PRKAG3: variants seen among roughly 807,000 people sequenced by gnomAD.
PRKAG3 encodes the protein 5'-AMP-activated protein kinase subunit gamma-3.
PRKAG3 carries 39 observed loss-of-function variants against 56.5 expected under a neutral mutation model. The ratio of observed to expected loss-of-function variants is 0.69; its 90% confidence interval spans 0.53 to 0.90. PRKAG3 has a LOEUF of 0.90. PRKAG3 is among the 40% of genes least tolerant of loss of function. The pLI, the probability that PRKAG3 is intolerant of heterozygous loss-of-function variation, is 0.00. For synonymous variants in PRKAG3, 243 were observed against 250.1 expected (o/e 0.97, Z 0.27); for missense variants, 628 against 627.5 (o/e 1.00, Z -0.01).
intron 4 of PRKAG3, among the ~76,000 whole-genome samples, chr2:218,828,801 T>C (rs1258707178): frequency 6.6e-6 from 1 of 152,144 alleles, no homozygotes; most frequent in African/African-American, 2.4e-5. Flanking sequence ...GACATGATCG[T>C]TGCTGGGGAC....
chr2:218,831,602 C>A, intron 1 of PRKAG3, 136 bp downstream of exon 1: 1 of 1,209,404 alleles, frequency 8.3e-7, no homozygotes. Flanking sequence ...CAAACATGCA[C>A]ATGCCCATAT....
At chr2:218,831,609 A>G (rs1559399746) in intron 1 of PRKAG3, 129 bp downstream of exon 1, 2 of 1,275,880 alleles carry the variant, frequency 1.6e-6, no homozygotes, top group Non-Finnish European at 2.2e-6. Context: ...GCACATGCCC[A>G]TATTCACGAG....
downstream of PRKAG3, chr2:218,822,871 G>A (rs952564155): frequency 7.1e-6 from 7 of 984,862 alleles, no homozygotes; most frequent in Admixed American, 1.2e-4. Flanking sequence ...ACCCACTGGG[G>A]CCATCCGACC....
At position 218,824,230 on chromosome 2, in the gene PRKAG3, G is replaced by A. The variant is rs773973238; in HGVS notation, c.1345C>T (p.Arg449Trp). 46 of 1,613,936 alleles carry A rather than the reference G, an allele frequency of 2.9e-5. No individual in the cohort carries two copies. Among genetic ancestry groups the A allele is most frequent in the Non-Finnish European group, 3.4e-5 (40 of 1,179,992 alleles). Residue 449 changes from arginine (R) to tryptophan (W), a missense_variant, in exon 12 of 13, where the codon CGG (arginine) becomes TGG (tryptophan). Transcript: ENST00000529249. ...TGGAGGGCACACGGTACCTGCTCCC[G>A]AGCAATCCTGTCGATCACTTCCCCC...
chr2:218,828,282 A>G (rs1232610762), intron 5 of PRKAG3, among the ~76,000 whole-genome samples: 3 of 152,182 alleles, frequency 2.0e-5, no homozygotes, highest in Non-Finnish European at 4.4e-5. Context: ...AGGGCCATGC[A>G]GTAGCGGAGG....
At chr2:218,823,543 C>T in exon 13 of PRKAG3, 1 of 882,890 alleles carries the variant, frequency 1.1e-6, no homozygotes, top group Non-Finnish European at 1.7e-6. Flanking sequence ...CAGGGCTGCT[C>T]AGCTTTGAGC....
At chr2:218,823,232 T>C (rs139292718), downstream of PRKAG3, 5 of 257,438 alleles carry the variant, frequency 1.9e-5, no homozygotes, top group East Asian at 6.5e-4. Flanking sequence ...TCTGAGATCA[T>C]GTCACATTTC....
chr2:218,824,638 C>T lies in PRKAG3; in HGVS notation c.1169-62G>A, dbSNP rs916765779. 3.0e-5 allele frequency: 44 copies of T among 1,482,370 alleles called. No individual in the cohort carries two copies. In the African/African-American group the frequency reaches 3.2e-4, roughly 11 times the overall value. The allele number at this position is 1,482,370 out of a possible 1,614,324, so 91.8% of individuals were successfully genotyped here. On this transcript the variant is annotated intron_variant, in intron 10 of 12. Coordinates refer to ENST00000529249, the Ensembl canonical transcript of PRKAG3. Reference sequence around the variant, plus strand: ...ACAGGGAAGAGGCTCCGGTCAGAACCGGGGTGCTGTGTAGAGGGCCTAGGG... The same window carrying T: ...ACAGGGAAGAGGCTCCGGTCAGAACTGGGGTGCTGTGTAGAGGGCCTAGGG...
intron 1 of PRKAG3, 66 bp downstream of exon 1, chr2:218,831,672 A>C (rs1944021515): frequency 1.3e-6 from 2 of 1,570,680 alleles, no homozygotes; most frequent in Admixed American, 3.7e-5. Context: ...ACACACATTC[A>C]CAGCCCGTGC....
intron 4 of PRKAG3, 86 bp from the exon 5 acceptor site, chr2:218,828,686 C>G: frequency 8.7e-7 from 1 of 1,152,466 alleles, no homozygotes; most frequent in Non-Finnish European, 1.2e-6. Flanking sequence ...CTCCCATCTG[C>G]CTGCTGTCCC....
Position 218,827,252 on chromosome 2 carries a change from T to G in PRKAG3, c.997A>C (p.Ile333Leu), listed in dbSNP as rs775779665. 5.1e-5 allele frequency: 82 copies of G among 1,613,994 alleles called. No homozygotes were observed. Among genetic ancestry groups the G allele is most frequent in the Middle Eastern group, 1.6e-4 (1 of 6,082 alleles). The change falls in exon 9 of 13, where the codon ATC becomes CTC. Residue 333 changes from isoleucine to leucine, a missense_variant. Coordinates refer to ENST00000529249, the Ensembl canonical transcript of PRKAG3. The surrounding 1 kb of genome is among the most constrained non-coding windows in gnomAD (Gnocchi z 5.3). Reference sequence around the variant, plus strand: ...CCACCTGGGCCCAGGCTTACAAAGATGTGCAGGAACTTGAGCAGGCGTTTG... The same window carrying G: ...CCACCTGGGCCCAGGCTTACAAAGAGGTGCAGGAACTTGAGCAGGCGTTTG...
rs753445043 is a variant in PRKAG3, at chr2:218,827,207, C to T, written c.1002+40G>A. 1 of 1,613,946 alleles carries T rather than the reference C, an allele frequency of 6.2e-7. No homozygotes were observed. The highest frequency in any genetic ancestry group is 1.1e-5 in the South Asian group (1 of 91,030). ...ACTCCTCAGGCCCTCTGATCACCTG[C>T]CCAGGTCTCCCCCTTCCTCCCACCT... On this transcript the variant is annotated intron_variant, in intron 9 of 12. Coordinates refer to ENST00000529249, the Ensembl canonical transcript of PRKAG3. This position sits in a 1 kb window ranked among gnomAD's most constrained non-coding sequence, Gnocchi z 5.3.
In PRKAG3 at chr2:218,827,513, G is replaced by A. The variant is rs367545592; in HGVS notation, c.875+62C>T. 5.2e-5 allele frequency: 84 copies of A among 1,601,320 alleles called. No individual in the cohort carries two copies. In the African/African-American group the frequency reaches 9.9e-4, roughly 19 times the overall value. ...GATGAAGAGGTGAGTTCAGAGCTGA[G>A]TGGGACTGGGGAAGGGGACTGTGGG... On this transcript the variant is annotated intron_variant, in intron 8 of 12. Transcript: ENST00000529249. This position sits in a 1 kb window ranked among gnomAD's most constrained non-coding sequence, Gnocchi z 5.3.
chr2:218,831,661 C>A (rs1330109325), intron 1 of PRKAG3, 77 bp downstream of exon 1: 7 of 1,541,416 alleles, frequency 4.5e-6, no homozygotes, highest in East Asian at 2.3e-5. Context: ...CACACGCCCA[C>A]ACACACATTC....
chr2:218,822,837 G>T, downstream of PRKAG3: 2 of 959,972 alleles, frequency 2.1e-6, no homozygotes, highest in Non-Finnish European at 2.5e-6. Flanking sequence ...CCCAGAAACC[G>T]AGGAATCCAG....
chr2:218,826,174 T>A (rs1008387971), intron 10 of PRKAG3, among the ~76,000 whole-genome samples: 2 of 152,244 alleles, frequency 1.3e-5, no homozygotes, highest in African/African-American at 4.8e-5. Flanking sequence ...TATGGCAATA[T>A]AGTAACAGTA....
chr2:218,831,281 G>T (rs1453584325), intron 2 of PRKAG3, 55 bp downstream of exon 2: 1 of 1,373,712 alleles, frequency 7.3e-7, no homozygotes, highest in Non-Finnish European at 1.0e-6. Context: ...AGAAAAGTGG[G>T]GGACAAGGAG....
chr2:218,827,257 AGG>A lies in PRKAG3; in HGVS notation c.990_991del (p.Leu331AlafsTer69). On this transcript the variant is annotated frameshift_variant, in exon 9 of 13. Coordinates refer to ENST00000529249, the Ensembl canonical transcript of PRKAG3. LOFTEE classifies it high-confidence loss of function. The surrounding 1 kb of genome is among the most constrained non-coding windows in gnomAD (Gnocchi z 5.3). Reference sequence around the variant, plus strand: ...TGGGCCCAGGCTTACAAAGATGTGCAGGAACTTGAGCAGGCGTTTGTGTGTGA... The same window carrying A: ...TGGGCCCAGGCTTACAAAGATGTGCAAACTTGAGCAGGCGTTTGTGTGTGA... 1 of 1,614,178 alleles carries A rather than the reference AGG, an allele frequency of 6.2e-7. No individual in the cohort carries two copies. Among genetic ancestry groups the A allele is most frequent in the Non-Finnish European group, 8.5e-7 (1 of 1,180,034 alleles).
Position 218,829,992 on chromosome 2 carries a change from C to A in PRKAG3, c.619G>T (p.Asp207Tyr), listed in dbSNP as rs768675439. The A allele has an allele frequency of 3.1e-6, 5 of 1,613,390 alleles. No individual in the cohort carries two copies. The highest frequency in any genetic ancestry group is 1.6e-4 in the Middle Eastern group (1 of 6,078). Residue 207 changes from aspartate (D) to tyrosine (Y), a missense_variant, in exon 4 of 13, where the codon GAC becomes TAC. Transcript: ENST00000529249. ...CGTGGCCTCACCTCCAGCATGGTGT[C>A]GAAGATGACTAGCTTGGAGCTAGTT...
Sources: allele counts gnomAD v4.1 joint callset (sites outside exome capture counted in the v4.1 genomes callset), GRCh38; gene constraint gnomAD v4.1.1; non-coding constraint Gnocchi (gnomAD v3.1); transcripts MANE v1.5; gene names NCBI Gene and HGNC (gene_info 2026-07-23, HGNC 2026-07-21).